GRHL3: variants seen among roughly 807,000 people sequenced by gnomAD.
The protein encoded by GRHL3 is grainyhead like transcription factor 3, also known as grainyhead-like protein 3 homolog.
GRHL3 carries 20 observed loss-of-function variants against 70.3 expected under a neutral mutation model. The observed-to-expected ratio is 0.28, with a 90% CI of 0.20 to 0.41. GRHL3 has a LOEUF of 0.41. Among genes scored for constraint, GRHL3 ranks in the 10% least tolerant of loss-of-function variants. GRHL3 has a pLI of 1.00. For missense variants in GRHL3, 637 were observed against 762.3 expected (o/e 0.84, Z 1.94); for synonymous variants, 299 against 299.9 (o/e 1.00, Z 0.03).
At chr1:24,319,763 G>A in intron 1 of GRHL3, 195 bp downstream of exon 1, 3 of 1,464,816 alleles carry the variant, frequency 2.0e-6, no homozygotes, top group Non-Finnish European at 2.7e-6. Context: ...TGTTTCCCTG[G>A]GAAAATAGTT....
intron 1 of GRHL3, among the ~76,000 whole-genome samples, chr1:24,327,780 T>C (rs184904295): frequency 6.6e-5 from 10 of 152,324 alleles, no homozygotes; most frequent in Admixed American, 5.9e-4. Context: ...TCTTTTCACA[T>C]TGATCCAGTA....
intron 12 of GRHL3, 91 bp from the exon 13 acceptor site, chr1:24,346,462 C>A: frequency 1.3e-6 from 1 of 799,102 alleles, no homozygotes; most frequent in African/African-American, 1.7e-5. Flanking sequence ...TTTTCTTCCC[C>A]ATTTCTAGGG....
chr1:24,359,382 C>G (rs191915753), downstream of GRHL3, among the ~76,000 whole-genome samples: 3 of 152,314 alleles, frequency 2.0e-5, no homozygotes, highest in East Asian at 3.9e-4. The surrounding 1 kb of genome is among the most constrained non-coding windows in gnomAD (Gnocchi z 5.3). Context: ...CTGCCTATGC[C>G]CTACCCTCTC....
In GRHL3 at chr1:24,342,699, T is replaced by G; in HGVS notation, c.1212T>G (p.Ala404=). The G allele has an allele frequency of 1.2e-6, 2 of 1,614,060 alleles. No individual in the cohort carries two copies. The highest frequency in any genetic ancestry group is 2.2e-5 in the South Asian group (2 of 91,086). Residue 404 remains alanine, a synonymous_variant, in exon 10 of 16, where the codon GCT becomes GCG. Coordinates refer to ENST00000361548, the MANE Select transcript of GRHL3 (RefSeq NM_198173.3). This position sits in a 1 kb window ranked among gnomAD's most constrained non-coding sequence, Gnocchi z 4.8. ...TCTCTCCTTCTCCCCTGCAGGGAGC[T>G]GAGAGGAAGATGCGCGATGACGAGC... ...CQIKIFCDKG[A]ERKMRDDERK...
intron 3 of GRHL3, among the ~76,000 whole-genome samples, chr1:24,335,825 G>A (rs934616619): frequency 2.6e-5 from 4 of 152,106 alleles, no homozygotes; most frequent in Admixed American, 1.3e-4. Flanking sequence ...CTCGTGATCC[G>A]CCCGCCTCGG....
intron 15 of GRHL3, among the ~76,000 whole-genome samples, chr1:24,352,180 A>G (rs967641146): frequency 3.3e-5 from 5 of 152,094 alleles, no homozygotes; most frequent in African/African-American, 1.2e-4. Flanking sequence ...GTGTTCCCCA[A>G]AATAGATCTT....
At chr1:24,338,185 CCT>C (rs770614326) in intron 7 of GRHL3, 82 bp downstream of exon 7, 53 of 896,550 alleles carry the variant, frequency 5.9e-5, no homozygotes, top group African/African-American at 1.8e-4. Context: ...CTTACTCACC[CCT>C]GTTTCCCTAC....
Position 24,342,333 on chromosome 1 carries a change from AC to A in GRHL3, c.1206+63del, listed in dbSNP as rs542200508. 1.1e-3 allele frequency: 1,610 copies of A among 1,417,218 alleles called. 5 individuals are homozygous for A. The highest frequency in any genetic ancestry group is 0.011 in the African/African-American group (747 of 69,870). The allele number at this position is 1,417,218 out of a possible 1,614,324, so 87.8% of individuals were successfully genotyped here. On this transcript the variant is annotated intron_variant, in intron 9 of 15. Transcript: ENST00000361548. This position sits in a 1 kb window ranked among gnomAD's most constrained non-coding sequence, Gnocchi z 4.8. ...GGGGAGGTAGAAGGGCCAAACCCTGACCCGTGCGTCCTCCTAGCTTCTCTGG... is the reference window on the plus strand; with the variant it reads ...GGGGAGGTAGAAGGGCCAAACCCTGACCGTGCGTCCTCCTAGCTTCTCTGG...
Position 24,354,560 on chromosome 1 carries a change from C to A in GRHL3, c.*72C>A. On this transcript the variant is annotated 3_prime_UTR_variant, in exon 16 of 16. Coordinates refer to ENST00000361548, the MANE Select transcript of GRHL3 (RefSeq NM_198173.3). ...GGACGTGGCCCCACGCCACACACAA[C>A]CTCTCCACATGCCTCAGCGCTGTTA... 1 of 922,290 alleles carries A rather than the reference C, an allele frequency of 1.1e-6. No homozygotes were observed. The highest frequency in any genetic ancestry group is 1.8e-6 in the Non-Finnish European group (1 of 559,948). 57.1% of individuals were successfully genotyped at this position (922,290 alleles called of 1,614,324 possible).
intron 7 of GRHL3, among the ~76,000 whole-genome samples, chr1:24,338,695 A>G (rs975556128): frequency 2.6e-5 from 4 of 152,110 alleles, no homozygotes; most frequent in Non-Finnish European, 5.9e-5. Context: ...CTTAGCAGCT[A>G]TGTGCCCTGG....
Position 24,321,208 on chromosome 1 carries a change from A to C in GRHL3, c.17+1640A>C, listed in dbSNP as rs1433869453. ...CTGAAGCTGGGTTACTTGAACAGAAAGGTTTCTTGCTTTTCTCCTCCCTAA... is the reference window on the plus strand; with the variant it reads ...CTGAAGCTGGGTTACTTGAACAGAACGGTTTCTTGCTTTTCTCCTCCCTAA... On this transcript the variant is annotated intron_variant, in intron 1 of 15. Transcript: ENST00000361548. This position sits in a 1 kb window ranked among gnomAD's most constrained non-coding sequence, Gnocchi z 4.0. 1.3e-5 allele frequency among the ~76,000 whole-genome samples: 2 copies of C among 152,226 alleles called. No individual in the cohort carries two copies. The highest frequency in any genetic ancestry group is 2.4e-5 in the African/African-American group (1 of 41,442).
downstream of GRHL3, among the ~76,000 whole-genome samples, chr1:24,356,421 A>G (rs1362173582): frequency 6.6e-6 from 1 of 151,412 alleles, no homozygotes; most frequent in Non-Finnish European, 1.5e-5. Flanking sequence ...TTGTATTTTT[A>G]GTAAAGATGG....
At chr1:24,347,650 C>A (rs1640344019) in intron 14 of GRHL3, 97 bp downstream of exon 14, 3 of 1,002,848 alleles carry the variant, frequency 3.0e-6, no homozygotes, top group Admixed American at 3.6e-5. Flanking sequence ...CAGGAGGGAA[C>A]CTTGGCATGC....
intron 3 of GRHL3, among the ~76,000 whole-genome samples, chr1:24,335,824 C>T (rs924706197): frequency 2.6e-5 from 4 of 152,124 alleles, no homozygotes; most frequent in Non-Finnish European, 4.4e-5. Context: ...CCTCGTGATC[C>T]GCCCGCCTCG....
intron 15 of GRHL3, among the ~76,000 whole-genome samples, chr1:24,361,967 A>G (rs979632062): frequency 6.6e-6 from 1 of 152,172 alleles, no homozygotes; most frequent in Non-Finnish European, 1.5e-5. Flanking sequence ...TACAGGAATC[A>G]TGCTACTCTC....
At chr1:24,339,318 C>T (rs34413107) in intron 7 of GRHL3, among the ~76,000 whole-genome samples, 41,475 of 151,398 alleles carry the variant, frequency 0.27, 6,416 homozygotes, top group East Asian at 0.45. Context: ...CTCTCTCACC[C>T]AGGCTAGAGT....
chr1:24,353,510 T>C (rs897303376), intron 15 of GRHL3, among the ~76,000 whole-genome samples: 2 of 128,404 alleles, frequency 1.6e-5, no homozygotes, highest in Non-Finnish European at 3.2e-5. Context: ...TATGGGTGGG[T>C]AGATGGTGGA....
In GRHL3 at chr1:24,342,102, CCT is replaced by C. The variant is rs763448856; in HGVS notation, c.1048-10_1048-9del. 4 of 1,548,302 alleles carry C rather than the reference CCT, an allele frequency of 2.6e-6. No individual in the cohort carries two copies. Among genetic ancestry groups the C allele is most frequent in the African/African-American group, 2.7e-5 (2 of 73,404 alleles). On this transcript the variant is annotated splice_polypyrimidine_tract_variant and intron_variant, in intron 8 of 15. Transcript: ENST00000361548. This position sits in a 1 kb window ranked among gnomAD's most constrained non-coding sequence, Gnocchi z 4.8. ...GGGCAGGCCACTTACCCAGCGGCCCCCTCTGTCTCCAGGTGTTCATCGGCGTA... is the reference window on the plus strand; with the variant it reads ...GGGCAGGCCACTTACCCAGCGGCCCCCTGTCTCCAGGTGTTCATCGGCGTA...
intron 15 of GRHL3, chr1:24,361,078 C>A (rs1641081850): frequency 7.1e-6 from 11 of 1,555,600 alleles, no homozygotes; most frequent in Non-Finnish European, 9.6e-6. Context: ...GTCACTAAGG[C>A]AGTCTAGTGG....
Sources: allele counts gnomAD v4.1 joint callset (sites outside exome capture counted in the v4.1 genomes callset), GRCh38; gene constraint gnomAD v4.1.1; non-coding constraint Gnocchi (gnomAD v3.1); transcripts MANE v1.5; gene names NCBI Gene and HGNC (gene_info 2026-07-23, HGNC 2026-07-21).